Variants in TLL1 observed in about 807,000 individuals in gnomAD.
The protein encoded by TLL1 is tolloid-like protein 1.
A neutral mutation model predicts 128.2 loss-of-function variants in TLL1; 49 were observed. The observed-to-expected ratio is 0.38, with a 90% CI of 0.30 to 0.48. TLL1 has a LOEUF of 0.48. TLL1 is among the 20% of genes least tolerant of loss of function. TLL1 has a pLI of 0.96. For missense variants in TLL1, 1,123 were observed against 1,242.0 expected, an observed-to-expected ratio of 0.90 and a Z score of 1.44; for synonymous variants, 454 against 418.8, an observed-to-expected ratio of 1.08 and a Z score of -1.03.
chr4:166,082,566 C>T (rs1340879913), intron 18 of TLL1, among the ~76,000 whole-genome samples: 5 of 152,062 alleles, frequency 3.3e-5, no homozygotes, highest in Admixed American at 6.6e-5. Flanking sequence ...ATCATCTACT[C>T]GTGTACTTTG....
At chr4:165,964,172 C>G (rs948698725) in intron 1 of TLL1, among the ~76,000 whole-genome samples, 18 of 152,174 alleles carry the variant, frequency 1.2e-4, no homozygotes, top group Non-Finnish European at 2.5e-4. Context: ...TGGAATCAGA[C>G]TGTCTGGGTT....
chr4:166,014,764 C>G (rs1440500740), intron 8 of TLL1, among the ~76,000 whole-genome samples: 9 of 151,886 alleles, frequency 5.9e-5, no homozygotes, highest in Non-Finnish European at 1.2e-4. Context: ...TTGTTGAAAT[C>G]AAAGTTCAAA....
chr4:165,986,563 C>A (rs918571122), intron 1 of TLL1, among the ~76,000 whole-genome samples: 2 of 151,960 alleles, frequency 1.3e-5, no homozygotes, highest in Non-Finnish European at 2.9e-5. Context: ...TCTCCTAAAG[C>A]AATTTATGGT....
chr4:165,949,100 G>T (rs752725270), intron 1 of TLL1, among the ~76,000 whole-genome samples: 5 of 152,058 alleles, frequency 3.3e-5, no homozygotes, highest in Non-Finnish European at 4.4e-5. Flanking sequence ...GCAAGGCAAA[G>T]AATTAGAAAA....
At chr4:165,991,464 T>C (rs1162891907) in intron 2 of TLL1, among the ~76,000 whole-genome samples, 2 of 151,992 alleles carry the variant, frequency 1.3e-5, no homozygotes, top group African/African-American at 4.8e-5. Flanking sequence ...AATGAATGTA[T>C]TTAAGTATTA....
chr4:166,064,217 G>C (rs897979427), intron 15 of TLL1, among the ~76,000 whole-genome samples: 1 of 151,658 alleles, frequency 6.6e-6, no homozygotes, highest in African/African-American at 2.4e-5. Flanking sequence ...TTTTCTTTTT[G>C]AGCTACACCT....
chr4:166,026,113 C>T (rs565368893), intron 9 of TLL1, among the ~76,000 whole-genome samples: 2 of 152,076 alleles, frequency 1.3e-5, no homozygotes, highest in South Asian at 4.1e-4. Context: ...ATGGGTCAGG[C>T]GAGGTGGCTC....
At chr4:165,915,412 C>T (rs923422350) in intron 1 of TLL1, among the ~76,000 whole-genome samples, 5 of 152,132 alleles carry the variant, frequency 3.3e-5, no homozygotes, top group East Asian at 1.9e-4. Context: ...ATGTTTATGA[C>T]GATTGAGTGA....
intron 1 of TLL1, among the ~76,000 whole-genome samples, chr4:165,945,177 G>A (rs1734188359): frequency 6.6e-6 from 1 of 152,088 alleles, no homozygotes; most frequent in Non-Finnish European, 1.5e-5. Context: ...GGTCAGCCTT[G>A]CCTGATGCCA....
chr4:165,892,183 T>C (rs10009926), intron 1 of TLL1, among the ~76,000 whole-genome samples: 24,009 of 152,216 alleles, frequency 0.16, 2,229 homozygotes, highest in East Asian at 0.31. Context: ...ACTGCTCCCA[T>C]GATTCAATTA....
chr4:165,886,395 T>C (rs1466036678), intron 1 of TLL1, among the ~76,000 whole-genome samples: 1 of 152,156 alleles, frequency 6.6e-6, no homozygotes, highest in Non-Finnish European at 1.5e-5. Flanking sequence ...AAGCACTATT[T>C]TGTATATGAT....
rs534136717 is a variant in TLL1, at chr4:166,050,021, AAC to A, written c.1525-5053_1525-5052del. Among the ~76,000 whole-genome samples the A allele has an allele frequency of 4.6e-5, 7 of 152,302 alleles. No homozygotes were observed. In the South Asian group the frequency reaches 1.2e-3, roughly 27 times the overall value. On this transcript the variant is annotated intron_variant, in intron 12 of 20. Transcript: ENST00000061240. ...TAGCTATGTTTTAAAGCTACATTGTAACAGTCATGAGAGCTATATTTGATTAA... is the reference window on the plus strand; with the variant it reads ...TAGCTATGTTTTAAAGCTACATTGTAAGTCATGAGAGCTATATTTGATTAA...
At chr4:166,019,208 A>T (rs1457429536) in intron 8 of TLL1, among the ~76,000 whole-genome samples, 2 of 152,186 alleles carry the variant, frequency 1.3e-5, no homozygotes. Flanking sequence ...CAGGCATAGA[A>T]AACCAAATAC....
chr4:166,044,554 T>C lies in TLL1; in HGVS notation c.1524+1135T>C, dbSNP rs1026435190. On this transcript the variant is annotated intron_variant, in intron 12 of 20. Coordinates refer to ENST00000061240, the MANE Select transcript of TLL1 (RefSeq NM_012464.5). ...TTTCTACTTTAATCATTATGTTGTA[T>C]TTTATGCTCCAGACCATTTTTTTTT... The C allele has an allele frequency of 3.3e-6, 3 of 896,542 alleles. No individual in the cohort carries two copies. The African/African-American group carries it at 5.1e-5, about 15-fold the overall frequency. 55.5% of individuals were successfully genotyped at this position (896,542 alleles called of 1,614,324 possible). A position where few individuals can be genotyped will look rare whatever the true frequency, so the allele number is the denominator to read the frequency against.
At chr4:166,025,474 T>C in intron 9 of TLL1, 43 bp downstream of exon 9, 3 of 1,408,594 alleles carry the variant, frequency 2.1e-6, no homozygotes, top group Non-Finnish European at 3.0e-6. Flanking sequence ...CTTATATAAG[T>C]ACAAAAGTTC....
chr4:165,955,955 C>T (rs1194104434), intron 1 of TLL1, among the ~76,000 whole-genome samples: 3 of 152,136 alleles, frequency 2.0e-5, no homozygotes, highest in Non-Finnish European at 2.9e-5. Flanking sequence ...GGTGACATCA[C>T]ATATCAGTAG....
At chr4:166,043,539 C>A (rs1486487886) in intron 12 of TLL1, 120 bp downstream of exon 12, 5 of 1,421,114 alleles carry the variant, frequency 3.5e-6, no homozygotes, top group Non-Finnish European at 4.9e-6. Context: ...AGCAAAGAAG[C>A]AAAGGATCGC....
intron 1 of TLL1, among the ~76,000 whole-genome samples, chr4:165,898,775 A>G (rs1579457272): frequency 6.6e-6 from 1 of 151,918 alleles, no homozygotes; most frequent in Non-Finnish European, 1.5e-5. Flanking sequence ...CTCCTTTTCT[A>G]TTGTTTGGGA....
At chr4:166,075,317 T>G (rs1740973859) in intron 17 of TLL1, among the ~76,000 whole-genome samples, 1 of 152,172 alleles carries the variant, frequency 6.6e-6, no homozygotes, top group Non-Finnish European at 1.5e-5. Flanking sequence ...TATGCATATT[T>G]AAACTTAACT....
Sources: gnomAD v4.1 joint callset for allele counts (sites outside exome capture counted in the v4.1 genomes callset) on GRCh38, gnomAD v4.1.1 for gene constraint, MANE v1.5 for transcripts, NCBI Gene and HGNC (gene_info 2026-07-23, HGNC 2026-07-21) for gene names.